The following MAPK8 variants were observed in gnomAD, a reference collection of about 807,000 sequenced individuals.
The protein encoded by MAPK8 is JUN N-terminal kinase.
In MAPK8, 13 loss-of-function variants were observed where a neutral mutation model predicts 52.9. The observed-to-expected ratio is 0.25, with a 90% CI of 0.16 to 0.39. The LOEUF is 0.39. Among genes scored for constraint, MAPK8 ranks in the 10% least tolerant of loss-of-function variants. MAPK8 has a pLI of 1.00. For missense variants in MAPK8, 300 were observed against 519.2 expected (o/e 0.58, Z 4.10); for synonymous variants, 191 against 169.8 (o/e 1.12, Z -0.97).
In MAPK8 at chr10:48,423,948, A is replaced by G. The variant is rs2043514824; in HGVS notation, c.617-140A>G. The G allele has an allele frequency of 5.9e-6, 3 of 509,766 alleles. No homozygotes were observed. In the Admixed American group the frequency reaches 1.1e-4, roughly 19 times the overall value. The allele number at this position is 509,766 out of a possible 1,614,324, so 31.6% of individuals were successfully genotyped here. A position where few individuals can be genotyped will look rare whatever the true frequency, so the allele number is the denominator to read the frequency against. ...CAAAAAATAATTTGTGTTTTAAATT[A>G]TTCCGTTAGCTAAAGTTACAATCAC... On this transcript the variant is annotated intron_variant, in intron 6 of 11. Transcript: ENST00000374189.
At chr10:48,336,070 C>G (rs1456411615) in intron 1 of MAPK8, among the ~76,000 whole-genome samples, 1 of 152,038 alleles carries the variant, frequency 6.6e-6, no homozygotes, top group Non-Finnish European at 1.5e-5. Context: ...TAGCAGAAAA[C>G]TCCATCTGTA....
At chr10:48,340,504 TAACA>T (rs1479779863) in intron 1 of MAPK8, among the ~76,000 whole-genome samples, 2 of 152,070 alleles carry the variant, frequency 1.3e-5, no homozygotes, top group East Asian at 1.9e-4. Flanking sequence ...TGTACCCATG[TAACA>T]AACCTGCGTA....
intron 6 of MAPK8, among the ~76,000 whole-genome samples, chr10:48,422,215 A>G (rs1042894608): frequency 2.6e-5 from 4 of 151,988 alleles, no homozygotes; most frequent in African/African-American, 9.7e-5. Flanking sequence ...TATTTTTAGT[A>G]GAGACAGGGT....
At chr10:48,347,972 A>G (rs966979753) in intron 1 of MAPK8, among the ~76,000 whole-genome samples, 98 of 152,348 alleles carry the variant, frequency 6.4e-4, no homozygotes, top group African/African-American at 2.1e-3. Flanking sequence ...GGAATCGCCA[A>G]CTGTCTTCCA....
intron 1 of MAPK8, among the ~76,000 whole-genome samples, chr10:48,328,755 AT>A (rs1286143228): frequency 1.3e-5 from 2 of 152,230 alleles, no homozygotes; most frequent in African/African-American, 4.8e-5. Flanking sequence ...TTCCTGTTCA[AT>A]TTATATAAGC....
At chr10:48,394,968 A>G (rs1391840274) in intron 1 of MAPK8, among the ~76,000 whole-genome samples, 1 of 151,952 alleles carries the variant, frequency 6.6e-6, no homozygotes, top group Middle Eastern at 3.2e-3. Flanking sequence ...ATGCTTATGG[A>G]GAAGTTAAAC....
chr10:48,349,165 G>A (rs929052986), intron 1 of MAPK8, among the ~76,000 whole-genome samples: 39 of 152,004 alleles, frequency 2.6e-4, no homozygotes, highest in Admixed American at 2.6e-4. Flanking sequence ...TTAGACCCCC[G>A]TACAATAATA....
intron 5 of MAPK8, among the ~76,000 whole-genome samples, chr10:48,410,745 C>T (rs186490984): frequency 3.9e-5 from 6 of 152,346 alleles, no homozygotes; most frequent in Admixed American, 6.5e-5. Context: ...TACATTCCCA[C>T]TAGCAGTGTA....
At chr10:48,396,318 A>G (rs1226270115) in intron 1 of MAPK8, among the ~76,000 whole-genome samples, 3 of 152,194 alleles carry the variant, frequency 2.0e-5, no homozygotes, top group Admixed American at 2.0e-4. Flanking sequence ...CAAAGAGTAT[A>G]TAGATGACAA....
intron 11 of MAPK8, among the ~76,000 whole-genome samples, chr10:48,431,578 T>C (rs1247486107): frequency 6.6e-6 from 1 of 152,172 alleles, no homozygotes; most frequent in Non-Finnish European, 1.5e-5. Flanking sequence ...ATACATACCT[T>C]TCTATGATCT....
At chr10:48,375,766 A>G (rs1329414724) in intron 1 of MAPK8, among the ~76,000 whole-genome samples, 3 of 152,228 alleles carry the variant, frequency 2.0e-5, no homozygotes, top group African/African-American at 7.2e-5. Flanking sequence ...AAAACATTCC[A>G]TGCCCATGGA....
At chr10:48,344,249 T>A (rs1845560042) in intron 1 of MAPK8, among the ~76,000 whole-genome samples, 1 of 152,240 alleles carries the variant, frequency 6.6e-6, no homozygotes, top group Non-Finnish European at 1.5e-5. Context: ...TTAGAAAGTC[T>A]AGGGTAACAG....
At chr10:48,361,353 TG>T (rs1481872677) in intron 1 of MAPK8, among the ~76,000 whole-genome samples, 1 of 152,210 alleles carries the variant, frequency 6.6e-6, no homozygotes, top group African/African-American at 2.4e-5. Flanking sequence ...TGACTGCCTC[TG>T]TAATTACCTT....
At position 48,394,871 on chromosome 10, in the gene MAPK8, T is replaced by A. The variant is rs190754666; in HGVS notation, c.-49-6741T>A. On this transcript the variant is annotated intron_variant, in intron 1 of 11. Coordinates refer to ENST00000374189, the MANE Select transcript of MAPK8 (RefSeq NM_001323329.2). Reference sequence around the variant, plus strand: ...TATTACAAAATCATTATACAGAAATTCATTGCATTTCTACATACTAGTAAT... The same window carrying A: ...TATTACAAAATCATTATACAGAAATACATTGCATTTCTACATACTAGTAAT... 7.1e-3 allele frequency among the ~76,000 whole-genome samples: 1,073 copies of A among 152,012 alleles called. 9 individuals carry two copies. The highest frequency in any genetic ancestry group is 0.025 in the African/African-American group (1,030 of 41,536).
chr10:48,324,779 G>A (rs1340854782), intron 1 of MAPK8, among the ~76,000 whole-genome samples: 1 of 152,050 alleles, frequency 6.6e-6, no homozygotes, highest in Non-Finnish European at 1.5e-5. Context: ...TGGTGTTAAG[G>A]TGGTATTCAC....
intron 3 of MAPK8, among the ~76,000 whole-genome samples, chr10:48,407,443 T>C (rs1411767142): frequency 1.3e-5 from 2 of 152,228 alleles, no homozygotes; most frequent in Non-Finnish European, 2.9e-5. Context: ...CAATGAACTT[T>C]TACCTGCTCT....
chr10:48,321,825 A>C (rs1315046702), intron 1 of MAPK8, among the ~76,000 whole-genome samples: 2 of 152,068 alleles, frequency 1.3e-5, no homozygotes, highest in East Asian at 3.8e-4. Context: ...TTATTTCTGG[A>C]CTCTGAATTC....
intron 1 of MAPK8, among the ~76,000 whole-genome samples, chr10:48,363,468 A>G (rs560740903): frequency 2.0e-5 from 3 of 152,300 alleles, no homozygotes; most frequent in Admixed American, 1.3e-4. Flanking sequence ...ACCATAAAGG[A>G]AGAGTGTTTG....
At chr10:48,313,367 A>G (rs1377537653) in intron 1 of MAPK8, among the ~76,000 whole-genome samples, 2 of 152,120 alleles carry the variant, frequency 1.3e-5, no homozygotes, top group Non-Finnish European at 2.9e-5. Context: ...TAGGAGGCGG[A>G]GGTTGCAGTG....
Sources: allele counts gnomAD v4.1 joint callset (sites outside exome capture counted in the v4.1 genomes callset), GRCh38; gene constraint gnomAD v4.1.1; transcripts MANE v1.5; gene names NCBI Gene and HGNC (gene_info 2026-07-23, HGNC 2026-07-21).